The following MAD1L1 variants were observed in gnomAD, a reference collection of about 807,000 sequenced individuals.
MAD1L1 encodes mitotic spindle assembly checkpoint protein MAD1.
MAD1L1 carries 95 observed loss-of-function variants against 96.9 expected under a neutral mutation model. The ratio of observed to expected loss-of-function variants is 0.98; its 90% CI spans 0.83 to 1.16. The LOEUF is 1.16. MAD1L1 is among the 50% of genes most tolerant of loss of function. The pLI is 0.00. For missense variants in MAD1L1, 1,007 were observed against 954.4 expected (o/e 1.06, Z -0.73); for synonymous variants, 473 against 396.6 (o/e 1.19, Z -2.29).
At chr7:2,031,208 C>T (rs1783211218) in intron 12 of MAD1L1, among the ~76,000 whole-genome samples, 1 of 152,186 alleles carries the variant, frequency 6.6e-6, no homozygotes, top group South Asian at 2.1e-4. Flanking sequence ...CACCCCTCTG[C>T]CTGCAGCTGC....
intron 10 of MAD1L1, among the ~76,000 whole-genome samples, chr7:2,209,788 A>T (rs1792806138): frequency 6.6e-6 from 1 of 152,202 alleles, no homozygotes; most frequent in African/African-American, 2.4e-5. Context: ...TCCCAGCCAC[A>T]GAGCCCTCTG....
intron 14 of MAD1L1, among the ~76,000 whole-genome samples, chr7:1,984,896 G>A (rs1024566335): frequency 3.9e-5 from 6 of 151,910 alleles, no homozygotes; most frequent in African/African-American, 9.7e-5. Context: ...ACTTTTTTGC[G>A]TGTAATTCTC....
chr7:2,171,850 G>A (rs776112617), intron 10 of MAD1L1, among the ~76,000 whole-genome samples: 2 of 152,226 alleles, frequency 1.3e-5, no homozygotes, highest in East Asian at 1.9e-4. Flanking sequence ...CATGCAGGCT[G>A]CCAAAGGGGC....
chr7:1,892,842 G>C (rs1786632779), intron 18 of MAD1L1, among the ~76,000 whole-genome samples: 1 of 152,236 alleles, frequency 6.6e-6, no homozygotes, highest in Non-Finnish European at 1.5e-5. Flanking sequence ...CCAGATCCCA[G>C]AAGCTCACGG....
At chr7:2,109,941 G>A (rs757066162) in intron 11 of MAD1L1, among the ~76,000 whole-genome samples, 9 of 152,346 alleles carry the variant, frequency 5.9e-5, no homozygotes, top group East Asian at 1.9e-4. Flanking sequence ...TCTCCACAGC[G>A]CAGAGGTCAG....
chr7:2,200,165 C>T (rs913190830), intron 10 of MAD1L1: 3 of 152,352 alleles, frequency 2.0e-5, no homozygotes, highest in Non-Finnish European at 2.9e-5. Context: ...GTGCACCACC[C>T]TACGCTAACA....
At chr7:2,080,683 T>C (rs933266226) in intron 11 of MAD1L1, among the ~76,000 whole-genome samples, 23 of 152,092 alleles carry the variant, frequency 1.5e-4, no homozygotes, top group African/African-American at 5.3e-4. Context: ...AACTCCCGGG[T>C]CGCAGAGCAG....
intron 11 of MAD1L1, among the ~76,000 whole-genome samples, chr7:2,077,804 A>T (rs1434469390): frequency 6.6e-6 from 1 of 152,204 alleles, no homozygotes; most frequent in African/African-American, 2.4e-5. Flanking sequence ...CTGAAAGAGG[A>T]TATCGCTGGA....
At chr7:2,133,370 C>T (rs559418342) in intron 11 of MAD1L1, among the ~76,000 whole-genome samples, 7 of 152,272 alleles carry the variant, frequency 4.6e-5, no homozygotes, top group Non-Finnish European at 8.8e-5. Context: ...CTGTTCAGAG[C>T]TCACCCATTT....
intron 11 of MAD1L1, among the ~76,000 whole-genome samples, chr7:2,091,334 CGCA>C (rs1257211930): frequency 2.6e-5 from 4 of 152,126 alleles, no homozygotes; most frequent in African/African-American, 9.7e-5. Flanking sequence ...CTCCGGGCCC[CGCA>C]GCAGTACAGG....
At chr7:1,900,179 G>C (rs1055105005) in intron 17 of MAD1L1, among the ~76,000 whole-genome samples, 1 of 152,208 alleles carries the variant, frequency 6.6e-6, no homozygotes, top group African/African-American at 2.4e-5. Flanking sequence ...AACACGATCC[G>C]ATCCCCAATC....
chr7:1,998,693 G>T (rs976499337), intron 14 of MAD1L1, among the ~76,000 whole-genome samples: 52 of 152,168 alleles, frequency 3.4e-4, no homozygotes, highest in African/African-American at 1.1e-3. Context: ...CTCAGGGCTG[G>T]GAACTAGGAA....
At chr7:2,008,511 A>C (rs1782138715) in intron 13 of MAD1L1, among the ~76,000 whole-genome samples, 1 of 152,222 alleles carries the variant, frequency 6.6e-6, no homozygotes, top group South Asian at 2.1e-4. Flanking sequence ...TTGGCTCCGC[A>C]AGGCAGTGTA....
At chr7:2,034,668 C>T (rs6976645) in intron 12 of MAD1L1, among the ~76,000 whole-genome samples, 28,885 of 152,220 alleles carry the variant, frequency 0.19, 5,393 homozygotes, top group African/African-American at 0.48. Context: ...CCACAGCAGT[C>T]CCCACACTCG....
chr7:1,917,721 G>T (rs946519656), intron 17 of MAD1L1, among the ~76,000 whole-genome samples: 1 of 152,208 alleles, frequency 6.6e-6, no homozygotes, highest in East Asian at 1.9e-4. Context: ...CTCCTCAGCA[G>T]TCCCTGTGGC....
At chr7:2,193,781 G>T (rs1791843766) in intron 10 of MAD1L1, among the ~76,000 whole-genome samples, 1 of 152,168 alleles carries the variant, frequency 6.6e-6, no homozygotes, top group Admixed American at 6.5e-5. Flanking sequence ...TCTCACCCTA[G>T]GCTCTCTTCC....
chr7:1,916,169 T>C (rs941424016), intron 17 of MAD1L1, among the ~76,000 whole-genome samples: 5 of 152,176 alleles, frequency 3.3e-5, no homozygotes, highest in Admixed American at 6.5e-5. Context: ...GTGGGGCCCC[T>C]GGAGCCTCAC....
At chr7:1,919,966 C>G (rs1022666716) in intron 17 of MAD1L1, among the ~76,000 whole-genome samples, 1 of 152,220 alleles carries the variant, frequency 6.6e-6, no homozygotes, top group African/African-American at 2.4e-5. Flanking sequence ...CTCCAGTCCA[C>G]CCAACGCTTA....
At chr7:1,971,349 C>T (rs897684493) in intron 15 of MAD1L1, among the ~76,000 whole-genome samples, 5 of 152,196 alleles carry the variant, frequency 3.3e-5, no homozygotes, top group Admixed American at 1.3e-4. Flanking sequence ...ACAGAATTCT[C>T]TCGCACAGAA....
Sources: allele counts gnomAD v4.1 joint callset (sites outside exome capture counted in the v4.1 genomes callset), GRCh38; gene constraint gnomAD v4.1.1; transcripts MANE v1.5; gene names NCBI Gene and HGNC (gene_info 2026-07-23, HGNC 2026-07-21).